Variants in ANGPT1 observed in about 807,000 individuals in gnomAD.
ANGPT1 encodes the protein angiopoietin-1.
In ANGPT1, 17 loss-of-function variants were observed where a neutral mutation model predicts 62.2. That is an observed-to-expected ratio of 0.27 (90% CI 0.19 to 0.41). The LOEUF is 0.41. Among genes scored for constraint, ANGPT1 ranks in the 10% least tolerant of loss-of-function variants. ANGPT1 has a pLI of 1.00. For missense variants in ANGPT1, 478 were observed against 594.9 expected (o/e 0.80, Z 2.04); for synonymous variants, 199 against 198.9 (o/e 1.00, Z 0.00).
At chr8:107,470,383 AT>A (rs1812320199) in intron 1 of ANGPT1, among the ~76,000 whole-genome samples, 1 of 152,090 alleles carries the variant, frequency 6.6e-6, no homozygotes, top group Non-Finnish European at 1.5e-5. Context: ...AAACTTACTA[AT>A]TTTTTATTTG....
chr8:107,315,410 G>T (rs1009469169), intron 4 of ANGPT1, among the ~76,000 whole-genome samples: 5 of 151,956 alleles, frequency 3.3e-5, no homozygotes, highest in African/African-American at 9.7e-5. Context: ...TTGAATGCAG[G>T]TATATAATGA....
At chr8:107,375,839 G>A (rs1816520843) in intron 1 of ANGPT1, among the ~76,000 whole-genome samples, 1 of 152,188 alleles carries the variant, frequency 6.6e-6, no homozygotes, top group South Asian at 2.1e-4. Flanking sequence ...GGGAGGCCCA[G>A]AGAAAGGGCC....
Position 107,327,838 on chromosome 8 carries a change from G to C in ANGPT1, c.576-5710C>G, listed in dbSNP as rs192200848. ...AAATAAACAAAATAATCTGTGCCTC[G>C]AACTTTAGTAAAAGGTTCTAAATGA... On this transcript the variant is annotated intron_variant, in intron 3 of 8. Transcript: ENST00000517746. Among the ~76,000 whole-genome samples, 341 of 152,164 alleles carry C rather than the reference G, an allele frequency of 2.2e-3. 1 individual carries two copies. The highest frequency in any genetic ancestry group is 3.8e-3 in the Non-Finnish European group (257 of 67,974).
intron 8 of ANGPT1, among the ~76,000 whole-genome samples, chr8:107,261,632 G>T (rs1813494087): frequency 6.7e-6 from 1 of 148,520 alleles, no homozygotes; most frequent in Non-Finnish European, 1.5e-5. Flanking sequence ...AAGAACCCTG[G>T]AAGTGGAGCT....
chr8:107,394,903 AT>A (rs1024328782), intron 1 of ANGPT1, among the ~76,000 whole-genome samples: 2 of 152,070 alleles, frequency 1.3e-5, no homozygotes, highest in African/African-American at 4.8e-5. Flanking sequence ...TTCCTTATGG[AT>A]TTTTTTCCTC....
intron 1 of ANGPT1, among the ~76,000 whole-genome samples, chr8:107,457,590 C>G (rs1171358759): frequency 1.3e-5 from 2 of 152,002 alleles, no homozygotes; most frequent in African/African-American, 2.4e-5. Flanking sequence ...CCCAACTTTT[C>G]TTTTCTGAAG....
At chr8:107,295,204 C>G (rs1200960445) in intron 5 of ANGPT1, 1 of 152,120 alleles carries the variant, frequency 6.6e-6, no homozygotes, top group Non-Finnish European at 1.5e-5. Context: ...GGACAACTCT[C>G]CTCCCAAGGC....
At chr8:107,454,950 T>C (rs1479801582) in intron 1 of ANGPT1, among the ~76,000 whole-genome samples, 1 of 152,042 alleles carries the variant, frequency 6.6e-6, no homozygotes, top group Non-Finnish European at 1.5e-5. Context: ...GCTTGTAAAA[T>C]GAAGTGGTTT....
chr8:107,479,893 G>A (rs1812629943), intron 1 of ANGPT1, among the ~76,000 whole-genome samples: 1 of 152,044 alleles, frequency 6.6e-6, no homozygotes, highest in South Asian at 2.1e-4. Context: ...ACTCAAAGGA[G>A]CACAAAAATA....
chr8:107,273,410 C>G (rs775428729), intron 7 of ANGPT1, among the ~76,000 whole-genome samples: 1 of 152,068 alleles, frequency 6.6e-6, no homozygotes, highest in Non-Finnish European at 1.5e-5. Context: ...TTAGCAGATT[C>G]TTCTGATGAC....
chr8:107,467,769 T>A (rs1375491700), intron 1 of ANGPT1, among the ~76,000 whole-genome samples: 1 of 151,944 alleles, frequency 6.6e-6, no homozygotes. Context: ...AAAAAGGAAA[T>A]GTTAAGGAGG....
At chr8:107,471,985 T>C (rs1812371391) in intron 1 of ANGPT1, among the ~76,000 whole-genome samples, 1 of 152,096 alleles carries the variant, frequency 6.6e-6, no homozygotes, top group Non-Finnish European at 1.5e-5. Flanking sequence ...AATACCACAC[T>C]ACATTTACTT....
intron 6 of ANGPT1, among the ~76,000 whole-genome samples, chr8:107,286,141 G>A (rs541518914): frequency 6.6e-6 from 1 of 152,186 alleles, no homozygotes; most frequent in Non-Finnish European, 1.5e-5. Context: ...GTGCCCAACT[G>A]GGTCACTTGC....
At chr8:107,477,833 C>G (rs969149886) in intron 1 of ANGPT1, among the ~76,000 whole-genome samples, 3 of 152,072 alleles carry the variant, frequency 2.0e-5, no homozygotes, top group Non-Finnish European at 4.4e-5. Context: ...TTTTGGACTA[C>G]CCCGACCCAA....
At chr8:107,493,534 CA>C (rs1294121730) in intron 1 of ANGPT1, among the ~76,000 whole-genome samples, 1 of 150,342 alleles carries the variant, frequency 6.7e-6, no homozygotes, top group Non-Finnish European at 1.5e-5. Flanking sequence ...AGTATTAGGA[CA>C]AAAATAACCA....
intron 8 of ANGPT1, among the ~76,000 whole-genome samples, chr8:107,262,677 C>A (rs1432500079): frequency 6.6e-6 from 1 of 152,146 alleles, no homozygotes; most frequent in African/African-American, 2.4e-5. Flanking sequence ...CAGAATAAGA[C>A]AGAAAGTATA....
At chr8:107,297,780 C>T (rs866719917) in intron 5 of ANGPT1, among the ~76,000 whole-genome samples, 5 of 150,488 alleles carry the variant, frequency 3.3e-5, no homozygotes, top group Middle Eastern at 3.5e-3. Flanking sequence ...CACACACACA[C>T]GCATACATAT....
chr8:107,441,332 C>T (rs190708937), intron 1 of ANGPT1, among the ~76,000 whole-genome samples: 3 of 152,318 alleles, frequency 2.0e-5, no homozygotes. Flanking sequence ...AGGGATCATG[C>T]AAAGCAATCA....
At chr8:107,292,423 G>A (rs1027820466) in intron 6 of ANGPT1, among the ~76,000 whole-genome samples, 2 of 152,120 alleles carry the variant, frequency 1.3e-5, no homozygotes, top group Admixed American at 6.5e-5. Flanking sequence ...ATTAATCTTT[G>A]TTAATTCAAA....
Sources: gnomAD v4.1 joint callset for allele counts (sites outside exome capture counted in the v4.1 genomes callset) on GRCh38, gnomAD v4.1.1 for gene constraint, MANE v1.5 for transcripts, NCBI Gene and HGNC (gene_info 2026-07-23, HGNC 2026-07-21) for gene names.